ARHGEF18: variants seen among roughly 807,000 people sequenced by gnomAD.
ARHGEF18 encodes the protein rho guanine nucleotide exchange factor 18.
Under a neutral mutation model 155.7 loss-of-function variants are expected in ARHGEF18, and 93 were observed. The ratio of observed to expected loss-of-function variants is 0.60; its 90% CI spans 0.50 to 0.71. The LOEUF (loss-of-function observed/expected upper bound fraction) is 0.71. Ranked by LOEUF, ARHGEF18 falls within the 30% of genes least tolerant of loss-of-function variation. The pLI is 0.00. For missense variants in ARHGEF18, 1,593 were observed against 1,816.1 expected, an observed-to-expected ratio of 0.88 and a Z score of 2.23; for synonymous variants, 742 against 753.1, an observed-to-expected ratio of 0.99 and a Z score of 0.24.
intron 10 of ARHGEF18, among the ~76,000 whole-genome samples, chr19:7,389,466 T>A (rs753255110): frequency 1.3e-5 from 2 of 148,160 alleles, no homozygotes; most frequent in East Asian, 2.1e-4. Context: ...ACCCTACATT[T>A]TCTTCCTTCC....
chr19:7,436,514 A>G lies in ARHGEF18; in HGVS notation c.968-3830A>G, dbSNP rs369229125. ...GCTGGTCTTGAACTCCTGACCTCAA[A>G]TGATCCACCCCGCTCGGCCTCCCAA... On this transcript the variant is annotated intron_variant, in intron 10 of 28. Transcript: ENST00000668164. Among the ~76,000 whole-genome samples, 23 of 152,068 alleles carry G rather than the reference A, an allele frequency of 1.5e-4. 1 individual carries two copies. In the East Asian group the frequency reaches 2.3e-3, roughly 15 times the overall value.
intron 10 of ARHGEF18, among the ~76,000 whole-genome samples, chr19:7,431,322 GC>G (rs1973947271): frequency 6.6e-6 from 1 of 151,880 alleles, no homozygotes; most frequent in Non-Finnish European, 1.5e-5. Flanking sequence ...TTCGAAACCA[GC>G]CTGGCCAACA....
In ARHGEF18 at chr19:7,460,000, C is replaced by T. The variant is rs372481931; in HGVS notation, c.2452+6C>T. ...GAGACTCCGGGACTTTCAAGGTGAG[C>T]GGGAGACAGCGTCTGGGCACACCCC... On this transcript the variant is annotated splice_donor_region_variant and intron_variant, in intron 20 of 28. Coordinates refer to ENST00000668164, the MANE Select transcript of ARHGEF18 (RefSeq NM_001367823.1). 4.6e-5 allele frequency: 72 copies of T among 1,566,046 alleles called. No individual in the cohort carries two copies. The highest frequency in any genetic ancestry group is 2.1e-4 in the East Asian group (9 of 42,092).
intron 16 of ARHGEF18, among the ~76,000 whole-genome samples, chr19:7,452,871 C>T (rs1179702716): frequency 6.6e-6 from 1 of 151,860 alleles, no homozygotes; most frequent in Non-Finnish European, 1.5e-5. Flanking sequence ...ACCTTAGCTT[C>T]TGCATTCGAT....
At position 7,470,305 on chromosome 19, in the gene ARHGEF18, C is replaced by T. The variant is rs200210049; in HGVS notation, c.*7C>T. ...AGACGTCATCTTCTTCTAAAAGGGCCGTGACTCAAGGTGCAAGGCCCCTCC... is the reference window on the plus strand; with the variant it reads ...AGACGTCATCTTCTTCTAAAAGGGCTGTGACTCAAGGTGCAAGGCCCCTCC... On this transcript the variant is annotated 3_prime_UTR_variant, in exon 29 of 29. Coordinates refer to ENST00000668164, the MANE Select transcript of ARHGEF18 (RefSeq NM_001367823.1). The surrounding 1 kb of genome is among the most constrained non-coding windows in gnomAD (Gnocchi z 5.9). 149 of 1,515,592 alleles carry T rather than the reference C, an allele frequency of 9.8e-5. No homozygotes were observed. The African/African-American group carries it at 1.6e-3, about 16-fold the overall frequency. The allele number at this position is 1,515,592 out of a possible 1,614,324, so 93.9% of individuals were successfully genotyped here.
intron 1 of ARHGEF18, among the ~76,000 whole-genome samples, chr19:7,356,886 A>T (rs994840725): frequency 6.6e-6 from 1 of 152,190 alleles, no homozygotes; most frequent in Non-Finnish European, 1.5e-5. Context: ...TCGTTAGCTC[A>T]TTCATTCCAC....
intron 17 of ARHGEF18, among the ~76,000 whole-genome samples, chr19:7,454,097 TAGC>T (rs1433957032): frequency 6.7e-6 from 1 of 149,558 alleles, no homozygotes; most frequent in Non-Finnish European, 1.5e-5. Flanking sequence ...CATATGGGAT[TAGC>T]AGCACCATCT....
At chr19:7,456,031 G>A (rs562447445) in intron 17 of ARHGEF18, among the ~76,000 whole-genome samples, 180 of 152,338 alleles carry the variant, frequency 1.2e-3, no homozygotes, top group Non-Finnish European at 2.1e-3. Context: ...GACCCAGCAG[G>A]TGTTGTTACA....
intron 10 of ARHGEF18, among the ~76,000 whole-genome samples, chr19:7,423,076 G>T (rs1253045415): frequency 6.6e-6 from 1 of 152,074 alleles, no homozygotes; most frequent in Non-Finnish European, 1.5e-5. Flanking sequence ...ATGGCTCATG[G>T]GTCATCAGTG....
At chr19:7,459,022 C>G (rs1333474817) in intron 19 of ARHGEF18, among the ~76,000 whole-genome samples, 2 of 152,148 alleles carry the variant, frequency 1.3e-5, no homozygotes, top group Non-Finnish European at 2.9e-5. Flanking sequence ...GGGCCCAGAA[C>G]CAGCTGGCTT....
intron 10 of ARHGEF18, among the ~76,000 whole-genome samples, chr19:7,399,504 C>T (rs1971915077): frequency 6.8e-6 from 1 of 146,708 alleles, no homozygotes; most frequent in Non-Finnish European, 1.5e-5. Flanking sequence ...TTTTTTGAGA[C>T]AGAGTTTTGC....
intron 10 of ARHGEF18, among the ~76,000 whole-genome samples, chr19:7,425,148 A>G (rs1478888010): frequency 6.6e-6 from 1 of 152,068 alleles, no homozygotes; most frequent in Non-Finnish European, 1.5e-5. Flanking sequence ...TTTTAAGACC[A>G]TGACATGCAG....
chr19:7,355,281 G>GCA (rs1015473971), intron 1 of ARHGEF18, among the ~76,000 whole-genome samples: 12 of 151,328 alleles, frequency 7.9e-5, no homozygotes, highest in South Asian at 2.1e-4. Context: ...ACGATGGCAC[G>GCA]CACACACACA....
Position 7,462,458 on chromosome 19 carries a change from TG to T in ARHGEF18, c.2635+132del, listed in dbSNP as rs3214464. The T allele has an allele frequency of 0.75, 822,674 of 1,092,116 alleles. 314,231 individuals carry two copies. The highest frequency in any genetic ancestry group is 0.91 in the African/African-American group (56,778 of 62,352). The allele number at this position is 1,092,116 out of a possible 1,614,324, so 67.7% of individuals were successfully genotyped here. On this transcript the variant is annotated intron_variant, in intron 21 of 28. Coordinates refer to ENST00000668164, the MANE Select transcript of ARHGEF18 (RefSeq NM_001367823.1). This position sits in a 1 kb window ranked among gnomAD's most constrained non-coding sequence, Gnocchi z 4.4. ...ACCCTGTCCAGGACAGGCTTCTATG[TG>T]GGGGGGGCCCAGGAGCAGCACTGAC...
intron 1 of ARHGEF18, among the ~76,000 whole-genome samples, chr19:7,361,218 C>G (rs1969532660): frequency 6.6e-6 from 1 of 152,188 alleles, no homozygotes. Flanking sequence ...GGGGGATTGC[C>G]TGAGCTCAGG....
At chr19:7,409,955 T>TTA (rs960868198) in intron 10 of ARHGEF18, among the ~76,000 whole-genome samples, 3 of 148,510 alleles carry the variant, frequency 2.0e-5, no homozygotes, top group African/African-American at 7.4e-5. Flanking sequence ...TTTTGTATTT[T>TTA]TTTTTTTTTT....
intron 2 of ARHGEF18, among the ~76,000 whole-genome samples, chr19:7,370,072 C>G (rs150360222): frequency 0.015 from 2,247 of 152,068 alleles, 47 homozygotes; most frequent in African/African-American, 0.051. Context: ...TGGTGCACAC[C>G]TGTAATCCCA....
Position 7,459,962 on chromosome 19 carries a change from A to C in ARHGEF18, c.2420A>C (p.Glu807Ala). ...SLPEEERKVV[E>A]ARATRLRDFQ... is the part of the protein sequence containing the mutation. ...CCCGAAGAGGAAAGGAAGGTGGTCG[A>C]GGCCCGCGCCACGAGACTCCGGGAC... is the stretch of plus-strand genomic sequence containing the variant. The change falls in exon 20 of 29, where the codon GAG (glutamate) becomes GCG (alanine). Residue 807 changes from glutamate (E) to alanine (A), a missense_variant. By Grantham distance (107) the Glu-to-Ala change is moderately radical. Transcript: ENST00000668164. 2 of 1,588,884 alleles carry C rather than the reference A, an allele frequency of 1.3e-6. No individual in the cohort carries two copies. Among genetic ancestry groups the C allele is most frequent in the South Asian group, 2.3e-5 (2 of 87,220 alleles).
intron 10 of ARHGEF18, among the ~76,000 whole-genome samples, chr19:7,416,530 CGTGTGTGTGTGTGTGTGTGT>C (rs71179108): frequency 2.9e-4 from 31 of 105,952 alleles, no homozygotes; most frequent in Non-Finnish European, 4.0e-4. Context: ...GGAGAAAATT[CGTGTGTGTGTGTGTGTGTGT>C]GTGTGTGTGT....
Sources: gnomAD v4.1 joint callset for allele counts (sites outside exome capture counted in the v4.1 genomes callset) on GRCh38, gnomAD v4.1.1 for gene constraint, Gnocchi (gnomAD v3.1) non-coding constraint, MANE v1.5 for transcripts, NCBI Gene and HGNC (gene_info 2026-07-23, HGNC 2026-07-21) for gene names.